The following ELMO1 variants were observed in gnomAD, a reference collection of about 807,000 sequenced individuals.
ELMO1 encodes engulfment and cell motility 1.
Under a neutral mutation model 98.9 loss-of-function variants are expected in ELMO1, and 26 were observed. That is an observed-to-expected ratio of 0.26 (90% CI 0.19 to 0.36). The LOEUF is 0.36. Among genes scored for constraint, ELMO1 ranks in the 10% least tolerant of loss-of-function variants. ELMO1 has a pLI of 1.00. For synonymous variants in ELMO1, 346 were observed against 346.0 expected (o/e 1.00, Z 0.00); for missense variants, 627 against 935.2 (o/e 0.67, Z 4.30).
At chr7:37,242,000 T>C (rs1794789220) in intron 7 of ELMO1, among the ~76,000 whole-genome samples, 2 of 152,190 alleles carry the variant, frequency 1.3e-5, no homozygotes, top group South Asian at 4.1e-4. Context: ...ATCATGTCTC[T>C]CCAGTGTGAA....
chr7:37,104,041 A>AAAAAAAAAAAC (rs1784803572), intron 14 of ELMO1, among the ~76,000 whole-genome samples: 1 of 139,922 alleles, frequency 7.1e-6, no homozygotes, highest in Non-Finnish European at 1.5e-5. Flanking sequence ...AAAAAAAAAA[A>AAAAAAAAAAAC]AAGAACAGAG....
At chr7:36,907,705 T>A (rs958710178) in intron 16 of ELMO1, among the ~76,000 whole-genome samples, 2 of 152,214 alleles carry the variant, frequency 1.3e-5, no homozygotes, top group African/African-American at 4.8e-5. Flanking sequence ...TCCCTTTCCT[T>A]ACTGATGAGT....
intron 18 of ELMO1, among the ~76,000 whole-genome samples, chr7:36,887,151 A>C (rs373918276): frequency 6.6e-6 from 1 of 152,302 alleles, no homozygotes; most frequent in African/African-American, 2.4e-5. Flanking sequence ...GCACAATCCT[A>C]GTAGTTACTT....
chr7:37,438,854 CT>C (rs1213967552), intron 1 of ELMO1, among the ~76,000 whole-genome samples: 1 of 152,196 alleles, frequency 6.6e-6, no homozygotes, highest in Non-Finnish European at 1.5e-5. Context: ...CAAGTATGTG[CT>C]TATGGCGCTT....
At chr7:37,240,615 C>T (rs570324019) in intron 7 of ELMO1, among the ~76,000 whole-genome samples, 7 of 152,036 alleles carry the variant, frequency 4.6e-5, no homozygotes, top group African/African-American at 1.7e-4. Flanking sequence ...ATATTTAATG[C>T]TACAAATTTC....
At chr7:37,393,175 C>G (rs1268104680) in intron 1 of ELMO1, among the ~76,000 whole-genome samples, 1 of 152,134 alleles carries the variant, frequency 6.6e-6, no homozygotes, top group African/African-American at 2.4e-5. Context: ...ATCTCCAATT[C>G]ACAAGAAATT....
At chr7:37,194,484 C>T (rs182612137) in intron 13 of ELMO1, among the ~76,000 whole-genome samples, 4 of 152,352 alleles carry the variant, frequency 2.6e-5, no homozygotes, top group African/African-American at 9.6e-5. Flanking sequence ...AATATCACCT[C>T]CAGCCTCTTC....
intron 20 of ELMO1, chr7:36,861,941 C>A: frequency 1.7e-6 from 1 of 589,868 alleles, no homozygotes; most frequent in Non-Finnish European, 3.0e-6. Context: ...TGTGAACTAT[C>A]TCATTTAATT....
intron 1 of ELMO1, among the ~76,000 whole-genome samples, chr7:37,426,142 C>CTATTTT (rs1804692024): frequency 1.2e-5 from 1 of 84,594 alleles, no homozygotes; most frequent in Admixed American, 1.6e-4. Flanking sequence ...TTTTTTCTTT[C>CTATTTT]TTTTTTTTTT....
chr7:37,294,872 C>T (rs976937857), intron 4 of ELMO1, among the ~76,000 whole-genome samples: 6 of 151,996 alleles, frequency 3.9e-5, no homozygotes, highest in East Asian at 3.9e-4. Context: ...TGGTGGCAGG[C>T]GCCTGTAACC....
At chr7:37,115,161 T>C (rs1317958939) in intron 14 of ELMO1, among the ~76,000 whole-genome samples, 1 of 152,208 alleles carries the variant, frequency 6.6e-6, no homozygotes, top group Non-Finnish European at 1.5e-5. Context: ...TGGTGAATTC[T>C]ATAACATATT....
chr7:37,086,905 T>G (rs1219479265), intron 15 of ELMO1, among the ~76,000 whole-genome samples: 1 of 150,322 alleles, frequency 6.7e-6, no homozygotes, highest in East Asian at 1.9e-4. Context: ...GAATGTGATA[T>G]GAGCCTGTCC....
intron 13 of ELMO1, among the ~76,000 whole-genome samples, chr7:37,161,819 G>A (rs989755072): frequency 1.4e-5 from 2 of 144,936 alleles, no homozygotes; most frequent in African/African-American, 2.5e-5. Flanking sequence ...CAAATACACA[G>A]GAAACTTCTA....
intron 1 of ELMO1, among the ~76,000 whole-genome samples, chr7:37,412,444 A>G (rs1348824802): frequency 6.6e-6 from 1 of 152,200 alleles, no homozygotes; most frequent in Non-Finnish European, 1.5e-5. Context: ...TTCTACTTTA[A>G]ATGACTAGTT....
intron 13 of ELMO1, among the ~76,000 whole-genome samples, chr7:37,139,078 G>A (rs1421977399): frequency 6.6e-6 from 1 of 152,068 alleles, no homozygotes; most frequent in Non-Finnish European, 1.5e-5. Context: ...TATACCTTAA[G>A]GTAATAAAAG....
chr7:37,183,192 A>T (rs1363900432), intron 13 of ELMO1, among the ~76,000 whole-genome samples: 8 of 147,002 alleles, frequency 5.4e-5, no homozygotes, highest in Non-Finnish European at 1.1e-4. Flanking sequence ...ACGATCTGGC[A>T]CAGAAGGAGA....
chr7:37,164,592 G>A (rs1024250725), intron 13 of ELMO1, among the ~76,000 whole-genome samples: 9 of 152,228 alleles, frequency 5.9e-5, no homozygotes, highest in Non-Finnish European at 1.3e-4. Flanking sequence ...TGTTAAATAG[G>A]GAATCCTTTC....
At chr7:37,376,062 C>T in intron 1 of ELMO1, 1 of 358,528 alleles carries the variant, frequency 2.8e-6, no homozygotes, top group South Asian at 2.6e-5. Context: ...AAACTTACAG[C>T]CAAAAAAACT....
chr7:37,013,284 C>G lies in ELMO1; in HGVS notation c.1437+15G>C. On this transcript the variant is annotated intron_variant, in intron 16 of 21. Transcript: ENST00000310758. Reference sequence around the variant, plus strand: ...GCTGCGGGAATCCCCTGCCTCTATCCGAGATCCACATTACCTTGTTGAAGT... The same window carrying G: ...GCTGCGGGAATCCCCTGCCTCTATCGGAGATCCACATTACCTTGTTGAAGT... 1 of 1,613,692 alleles carries G rather than the reference C, an allele frequency of 6.2e-7. No homozygotes were observed. The highest frequency in any genetic ancestry group is 8.5e-7 in the Non-Finnish European group (1 of 1,179,688).
Sources: gnomAD v4.1 joint callset for allele counts (sites outside exome capture counted in the v4.1 genomes callset) on GRCh38, gnomAD v4.1.1 for gene constraint, MANE v1.5 for transcripts, NCBI Gene and HGNC (gene_info 2026-07-23, HGNC 2026-07-21) for gene names.